OPCML: variants seen among roughly 807,000 people sequenced by gnomAD.
OPCML encodes opioid-binding protein/cell adhesion molecule.
OPCML carries 13 observed loss-of-function variants against 37.8 expected under a neutral mutation model. That is an observed-to-expected ratio of 0.34 (90% CI 0.22 to 0.55). The LOEUF (loss-of-function observed/expected upper bound fraction) is 0.55, where lower values mean the gene tolerates loss of function less well. Among genes scored for constraint, OPCML ranks in the 20% least tolerant of loss-of-function variants. OPCML has a pLI of 0.91. For synonymous variants in OPCML, 176 were observed against 168.8 expected (o/e 1.04, Z -0.33); for missense variants, 341 against 435.6 (o/e 0.78, Z 1.93).
chr11:133,204,729 G>T (rs1938955235), intron 1 of OPCML, among the ~76,000 whole-genome samples: 1 of 151,948 alleles, frequency 6.6e-6, no homozygotes, highest in African/African-American at 2.4e-5. Flanking sequence ...GGACAGGAGA[G>T]AACGCTGGCT....
chr11:132,903,318 A>G (rs756688356), intron 2 of OPCML, among the ~76,000 whole-genome samples: 18 of 152,224 alleles, frequency 1.2e-4, no homozygotes, highest in Non-Finnish European at 2.4e-4. Flanking sequence ...TATTTATGCC[A>G]TAAACTAGAC....
chr11:133,353,659 G>A (rs911850432), intron 1 of OPCML, among the ~76,000 whole-genome samples: 3 of 152,202 alleles, frequency 2.0e-5, no homozygotes, highest in Admixed American at 2.0e-4. Flanking sequence ...TGCCACCACT[G>A]TCTAACTGGT....
chr11:133,501,008 C>A (rs1413992690), intron 1 of OPCML, among the ~76,000 whole-genome samples: 1 of 151,960 alleles, frequency 6.6e-6, no homozygotes, highest in African/African-American at 2.4e-5. Flanking sequence ...TGAGACAGTC[C>A]TAGCAGAAAA....
intron 1 of OPCML, among the ~76,000 whole-genome samples, chr11:133,200,027 C>G (rs182341184): frequency 3.2e-4 from 49 of 152,190 alleles, no homozygotes; most frequent in Non-Finnish European, 6.2e-4. Context: ...GTCCTGCACA[C>G]GTCCCGCCCT....
rs552730752 is a variant in OPCML, at chr11:133,411,919, C to A, written c.61+120345G>T. 1.9e-3 allele frequency among the ~76,000 whole-genome samples: 295 copies of A among 152,284 alleles called. 1 individual carries two copies. Among genetic ancestry groups the A allele is most frequent in the African/African-American group, 7.0e-3 (289 of 41,556 alleles). The stretch of plus-strand genomic sequence containing the variant: ...AGGGAAGGGAAGTGGCTTCCCCCCA[C>A]ACGTTGACAATCAGGAAACATTTAT... On this transcript the variant is annotated intron_variant, in intron 1 of 7. Coordinates refer to ENST00000524381, the MANE Select transcript of OPCML (RefSeq NM_001012393.5).
chr11:132,643,091 A>C (rs1940950667), intron 3 of OPCML, among the ~76,000 whole-genome samples: 1 of 152,102 alleles, frequency 6.6e-6, no homozygotes, highest in African/African-American at 2.4e-5. Flanking sequence ...ATATTTTAAA[A>C]AGTTCATTCC....
intron 1 of OPCML, among the ~76,000 whole-genome samples, chr11:133,410,702 C>T (rs1000395998): frequency 2.4e-5 from 3 of 124,318 alleles, no homozygotes; most frequent in Admixed American, 9.6e-5. Flanking sequence ...GCTCTTTTGA[C>T]GTTGCTGGGA....
intron 7 of OPCML, among the ~76,000 whole-genome samples, chr11:132,422,451 G>A (rs2095962877): frequency 6.6e-6 from 1 of 151,992 alleles, no homozygotes; most frequent in Non-Finnish European, 1.5e-5. Context: ...CTTACTGGGT[G>A]GAGGTTTACA....
intron 2 of OPCML, among the ~76,000 whole-genome samples, chr11:132,887,308 A>G (rs1331884890): frequency 6.6e-6 from 1 of 152,186 alleles, no homozygotes; most frequent in East Asian, 1.9e-4. Flanking sequence ...TTGTATAACT[A>G]CACTCTGTGG....
intron 1 of OPCML, among the ~76,000 whole-genome samples, chr11:133,391,599 C>A (rs140607209): frequency 7.9e-4 from 120 of 152,248 alleles, no homozygotes; most frequent in African/African-American, 2.8e-3. Flanking sequence ...AGGACGCGTT[C>A]CAAGCATGCA....
At chr11:132,662,870 A>C (rs1942044519) in intron 2 of OPCML, among the ~76,000 whole-genome samples, 2 of 152,226 alleles carry the variant, frequency 1.3e-5, no homozygotes, top group Admixed American at 6.5e-5. Flanking sequence ...AAGTCTTTTA[A>C]ACCAGCCTCA....
At chr11:133,164,061 C>T (rs1950178223) in intron 1 of OPCML, among the ~76,000 whole-genome samples, 1 of 152,194 alleles carries the variant, frequency 6.6e-6, no homozygotes, top group Non-Finnish European at 1.5e-5. Context: ...TCACAAAGGG[C>T]AGGGCTTTGA....
chr11:132,704,943 G>A (rs1943970051), intron 2 of OPCML, among the ~76,000 whole-genome samples: 1 of 152,224 alleles, frequency 6.6e-6, no homozygotes, highest in Non-Finnish European at 1.5e-5. Flanking sequence ...TTTAACCAAT[G>A]GAGGTTGGGA....
Position 132,694,285 on chromosome 11 carries a change from G to A in OPCML, c.147-36966C>T, listed in dbSNP as rs527725694. Among the ~76,000 whole-genome samples the A allele has an allele frequency of 4.5e-5, 6 of 133,422 alleles. No homozygotes were observed. The South Asian group carries it at 7.8e-4, about 17-fold the overall frequency. The allele number at this position is 133,422 out of a possible 152,430, so 87.5% of individuals were successfully genotyped here. A position where few individuals can be genotyped will look rare whatever the true frequency, so the allele number is the denominator to read the frequency against. The stretch of plus-strand genomic sequence containing the variant: ...GCGATCTTGGCTCACTGCAATCTCC[G>A]CCTCCGGGGTTCAAGCGATTCCCCT... On this transcript the variant is annotated intron_variant, in intron 2 of 7. Coordinates refer to ENST00000524381, the MANE Select transcript of OPCML (RefSeq NM_001012393.5).
chr11:133,038,122 G>T (rs538086637), intron 1 of OPCML, among the ~76,000 whole-genome samples: 1 of 152,342 alleles, frequency 6.6e-6, no homozygotes, highest in East Asian at 1.9e-4. Flanking sequence ...CTTTCTGCCT[G>T]CAAGGCTGGA....
At chr11:132,674,490 G>A (rs949054051) in intron 2 of OPCML, among the ~76,000 whole-genome samples, 9 of 152,120 alleles carry the variant, frequency 5.9e-5, no homozygotes, top group African/African-American at 2.2e-4. Flanking sequence ...TGGAAAGTTC[G>A]ACTTGATCTC....
intron 1 of OPCML, among the ~76,000 whole-genome samples, chr11:133,349,423 C>A (rs1944078272): frequency 6.6e-6 from 1 of 152,090 alleles, no homozygotes; most frequent in Non-Finnish European, 1.5e-5. Context: ...GTACCTGAAC[C>A]AGGTAGTTCC....
intron 4 of OPCML, among the ~76,000 whole-genome samples, chr11:132,518,801 C>T (rs950007959): frequency 3.3e-5 from 5 of 152,142 alleles, no homozygotes; most frequent in Non-Finnish European, 7.3e-5. Context: ...GCAGGAACAA[C>T]GTCTATCTTA....
intron 1 of OPCML, among the ~76,000 whole-genome samples, chr11:133,152,379 C>T (rs980110513): frequency 3.2e-4 from 49 of 152,310 alleles, no homozygotes; most frequent in African/African-American, 1.1e-3. Context: ...GTGCCCACTT[C>T]GTTATTTAAG....
Sources: gnomAD v4.1 joint callset for allele counts (sites outside exome capture counted in the v4.1 genomes callset) on GRCh38, gnomAD v4.1.1 for gene constraint, MANE v1.5 for transcripts, NCBI Gene and HGNC (gene_info 2026-07-23, HGNC 2026-07-21) for gene names.